Variants in MSANTD5 observed in about 807,000 individuals in gnomAD.
The protein encoded by MSANTD5 is uncharacterized protein MSANTD5.
chr5:178,697,020 C>A (rs1765419696), intron 1 of MSANTD5, among the ~76,000 whole-genome samples: 1 of 152,098 alleles, frequency 6.6e-6, no homozygotes, highest in Admixed American at 6.6e-5. Flanking sequence ...GAAGAGAGTG[C>A]TAGGAGAGTA....
chr5:178,700,195 G>A (rs779360314), upstream of MSANTD5, among the ~76,000 whole-genome samples: 1 of 152,070 alleles, frequency 6.6e-6, no homozygotes, highest in South Asian at 2.1e-4. Flanking sequence ...GTGCTGCCTC[G>A]CCATGCTCTC....
chr5:178,700,892 G>A (rs1400655754), upstream of MSANTD5, among the ~76,000 whole-genome samples: 2 of 152,216 alleles, frequency 1.3e-5, no homozygotes, highest in East Asian at 3.9e-4. Flanking sequence ...AGACAGGAGA[G>A]TATGACTTTA....
upstream of MSANTD5, among the ~76,000 whole-genome samples, chr5:178,698,220 AAG>A (rs2113855313): frequency 6.6e-6 from 1 of 152,300 alleles, no homozygotes; most frequent in South Asian, 2.1e-4. Flanking sequence ...TAGGGTAGGG[AAG>A]AGAGAGGCGA....
At chr5:178,703,249 G>A in the MSANTD5 span, among the ~76,000 whole-genome samples, 6 of 152,244 alleles carry the variant, frequency 3.9e-5, no homozygotes, top group Non-Finnish European at 7.3e-5. Context: ...GGTGTGCGGA[G>A]GGCGCCCACG....
At chr5:178,702,596 G>A (rs1211544551), upstream of MSANTD5, among the ~76,000 whole-genome samples, 2 of 143,512 alleles carry the variant, frequency 1.4e-5, no homozygotes, top group African/African-American at 5.0e-5. Flanking sequence ...ACCGCACCCA[G>A]CCAATTTTTC....
the MSANTD5 span, among the ~76,000 whole-genome samples, chr5:178,705,991 C>T: frequency 6.6e-6 from 1 of 152,134 alleles, no homozygotes; most frequent in African/African-American, 2.4e-5. Context: ...TCTTATTTTG[C>T]ACGAATGAAC....
At chr5:178,699,557 G>A (rs10050953), upstream of MSANTD5, among the ~76,000 whole-genome samples, 1,320 of 151,862 alleles carry the variant, frequency 8.7e-3, 16 homozygotes, top group African/African-American at 0.03. Flanking sequence ...GATGACAGGC[G>A]CGTGCCACCA....
At chr5:178,706,793 T>G in the MSANTD5 span, 3 of 152,084 alleles carry the variant, frequency 2.0e-5, no homozygotes, top group African/African-American at 7.2e-5. Flanking sequence ...CAGGGGATAT[T>G]TCTCAGATCA....
At chr5:178,707,295 CATG>C in the MSANTD5 span, 1 of 152,088 alleles carries the variant, frequency 6.6e-6, no homozygotes, top group Non-Finnish European at 1.5e-5. Flanking sequence ...GGAACAATTT[CATG>C]ATGACTTCAG....
At chr5:178,695,746 C>T (rs1165298415) in intron 2 of MSANTD5, 148 bp from the exon 3 acceptor site, 1 of 152,240 alleles carries the variant, frequency 6.6e-6, no homozygotes, top group African/African-American at 2.4e-5. Flanking sequence ...GATTCAGCAT[C>T]TGCCTGAGTC....
rs1765399611 is a variant in MSANTD5 at position 178,695,284 on chromosome 5, A to C, written c.403+3T>G. 6.6e-6 allele frequency: 1 copy of C among 152,264 alleles called. No individual in the cohort carries two copies. The highest frequency in any genetic ancestry group is 1.5e-5 in the Non-Finnish European group (1 of 68,182). The allele number at this position is 152,264 out of a possible 1,614,324, so 9.4% of individuals were successfully genotyped here. On this transcript the variant is annotated splice_donor_region_variant and intron_variant, in intron 3 of 3. Coordinates refer to ENST00000648368, the Ensembl canonical transcript of MSANTD5. ...CATGGAGATGAACACAAAAGACACA[A>C]ACCTGAGAAGACGCTGATCTTCCAT...
chr5:178,700,823 G>A (rs1765470524), upstream of MSANTD5, among the ~76,000 whole-genome samples: 1 of 152,168 alleles, frequency 6.6e-6, no homozygotes, highest in Non-Finnish European at 1.5e-5. Flanking sequence ...CGGAATCTCT[G>A]GGGCCTAGGG....
chr5:178,705,191 G>T, the MSANTD5 span, among the ~76,000 whole-genome samples: 1 of 152,130 alleles, frequency 6.6e-6, no homozygotes, highest in Non-Finnish European at 1.5e-5. Context: ...TGGATTACAG[G>T]CATGCGCAAG....
downstream of MSANTD5, among the ~76,000 whole-genome samples, chr5:178,694,315 C>CAA (rs56778816): frequency 0.011 from 631 of 59,826 alleles, no homozygotes; most frequent in Non-Finnish European, 0.013. Context: ...GACTCCATCT[C>CAA]AAAAAAAAAA....
upstream of MSANTD5, among the ~76,000 whole-genome samples, chr5:178,698,273 C>G (rs1765440515): frequency 6.6e-6 from 1 of 152,134 alleles, no homozygotes; most frequent in Admixed American, 6.5e-5. Flanking sequence ...TTGAGATTTA[C>G]ATATACAGAA....
upstream of MSANTD5, among the ~76,000 whole-genome samples, chr5:178,701,168 G>A (rs1194158752): frequency 4.6e-5 from 7 of 151,990 alleles, no homozygotes; most frequent in African/African-American, 9.7e-5. Context: ...TAGTAGAGAC[G>A]GGGTTTCACT....
upstream of MSANTD5, among the ~76,000 whole-genome samples, chr5:178,698,749 C>CTTTTTTTTTTTTTT (rs70997624): frequency 1.0e-5 from 1 of 98,796 alleles, no homozygotes; most frequent in African/African-American, 4.0e-5. Context: ...CATGCTTGGC[C>CTTTTTTTTTTTTTT]TTTTTTTTTT....
At chr5:178,694,380 G>A (rs1765388622), downstream of MSANTD5, among the ~76,000 whole-genome samples, 1 of 150,898 alleles carries the variant, frequency 6.6e-6, no homozygotes, top group Non-Finnish European at 1.5e-5. Context: ...GCAGGATTGA[G>A]CAGTTACCTC....
the MSANTD5 span, among the ~76,000 whole-genome samples, chr5:178,703,231 T>C: frequency 2.0e-5 from 3 of 152,242 alleles, no homozygotes; most frequent in African/African-American, 7.2e-5. Flanking sequence ...TGGCAAGCCC[T>C]GTGCACAGGT....
Sources: allele counts gnomAD v4.1 joint callset (sites outside exome capture counted in the v4.1 genomes callset), GRCh38; gene constraint gnomAD v4.1.1; transcripts MANE v1.5; gene names NCBI Gene and HGNC (gene_info 2026-07-23, HGNC 2026-07-21).